The following CDH12 variants were observed in gnomAD, a reference collection of about 807,000 sequenced individuals.
CDH12 encodes cadherin-12.
Under a neutral mutation model 74.1 loss-of-function variants are expected in CDH12, and 41 were observed. The ratio of observed to expected loss-of-function variants is 0.55; its 90% CI spans 0.43 to 0.72. The LOEUF (loss-of-function observed/expected upper bound fraction) is 0.72. Ranked by LOEUF, CDH12 falls within the 30% of genes least tolerant of loss-of-function variation. The pLI, the probability that CDH12 is intolerant of heterozygous loss-of-function variation, is 0.00. For synonymous variants in CDH12, 399 were observed against 355.0 expected, an observed-to-expected ratio of 1.12 and a Z score of -1.39; for missense variants, 945 against 977.2, an observed-to-expected ratio of 0.97 and a Z score of 0.44.
intron 1 of CDH12, among the ~76,000 whole-genome samples, chr5:22,635,865 G>C (rs908039139): frequency 6.6e-6 from 1 of 152,016 alleles, no homozygotes; most frequent in Admixed American, 6.6e-5. Flanking sequence ...AGTCAGAGGA[G>C]ATTGTGCCCA....
intron 3 of CDH12, among the ~76,000 whole-genome samples, chr5:22,330,358 G>A (rs1316365838): frequency 6.6e-6 from 1 of 152,206 alleles, no homozygotes; most frequent in South Asian, 2.1e-4. Context: ...GCAATACCTA[G>A]GGGATATGCC....
intron 1 of CDH12, among the ~76,000 whole-genome samples, chr5:22,834,218 G>A (rs934268003): frequency 6.6e-6 from 1 of 152,086 alleles, no homozygotes. Context: ...TGAGAAACAG[G>A]GTCAAATGGC....
intron 5 of CDH12, among the ~76,000 whole-genome samples, chr5:21,977,772 A>G (rs1757132606): frequency 1.3e-5 from 2 of 152,168 alleles, no homozygotes; most frequent in African/African-American, 4.8e-5. Context: ...TGCAGAGATT[A>G]AAGCTTCAGA....
intron 4 of CDH12, among the ~76,000 whole-genome samples, chr5:22,189,742 A>G (rs1750156561): frequency 6.6e-6 from 1 of 152,152 alleles, no homozygotes; most frequent in Non-Finnish European, 1.5e-5. Context: ...ATCTTTTTAA[A>G]AAAAATTCCT....
intron 3 of CDH12, among the ~76,000 whole-genome samples, chr5:22,237,981 C>T (rs1166006512): frequency 2.0e-5 from 3 of 152,114 alleles, no homozygotes; most frequent in Non-Finnish European, 2.9e-5. Flanking sequence ...AATTTCTAAG[C>T]GATTGACCTT....
chr5:22,168,972 G>C (rs1040161944), intron 4 of CDH12, among the ~76,000 whole-genome samples: 7 of 148,720 alleles, frequency 4.7e-5, no homozygotes, highest in African/African-American at 1.7e-4. Flanking sequence ...TCTCAGATGA[G>C]AAAACAGTAC....
In CDH12 at chr5:21,755,609, A is replaced by G. The variant is rs1453041861; in HGVS notation, c.1867T>C (p.Cys623Arg). The change falls in exon 14 of 15, where the codon TGC becomes CGC. Residue 623 changes from cysteine to arginine, a missense_variant. This residue lies in a region of CDH12 where 791 missense variants were observed against 792.8 expected (regional missense o/e 1.00). Coordinates refer to ENST00000382254, the MANE Select transcript of CDH12 (RefSeq NM_004061.5). The stretch of plus-strand genomic sequence containing the variant: ...AACCAACCTAAGAGTATAACAATGC[A>G]TAGTAGAATTGCAATCAACGCCCCA... The part of the protein sequence containing the change: ...STGALIAILL[C>R]IVILLAIVVL... 1 of 1,613,910 alleles carries G rather than the reference A, an allele frequency of 6.2e-7. No homozygotes were observed. The highest frequency in any genetic ancestry group is 8.5e-7 in the Non-Finnish European group (1 of 1,179,942).
chr5:22,277,831 T>C (rs1299176308), intron 3 of CDH12, among the ~76,000 whole-genome samples: 4 of 152,142 alleles, frequency 2.6e-5, no homozygotes, highest in Non-Finnish European at 5.9e-5. Context: ...CGAAACTCTG[T>C]CTCAAACAAC....
At chr5:21,793,930 ATAT>A (rs1016844487) in intron 10 of CDH12, among the ~76,000 whole-genome samples, 11 of 149,986 alleles carry the variant, frequency 7.3e-5, no homozygotes, top group African/African-American at 1.7e-4. Context: ...TAATATATAA[ATAT>A]TATTATTATA....
chr5:22,350,892 T>C (rs954014037), intron 3 of CDH12, among the ~76,000 whole-genome samples: 3 of 152,196 alleles, frequency 2.0e-5, no homozygotes, highest in African/African-American at 7.2e-5. Flanking sequence ...ATTTCACATC[T>C]AGCAGAGGAG....
intron 3 of CDH12, among the ~76,000 whole-genome samples, chr5:22,231,969 A>G (rs779714636): frequency 2.6e-5 from 4 of 151,922 alleles, no homozygotes; most frequent in African/African-American, 4.8e-5. Flanking sequence ...ACAAGAATAC[A>G]ACTATTTTCG....
At chr5:22,408,221 A>G (rs1743020083) in intron 2 of CDH12, among the ~76,000 whole-genome samples, 1 of 146,792 alleles carries the variant, frequency 6.8e-6, no homozygotes, top group Admixed American at 7.1e-5. Context: ...GTGGCTAAAC[A>G]AGATAGATTC....
intron 1 of CDH12, among the ~76,000 whole-genome samples, chr5:22,748,910 A>G (rs563127119): frequency 9.2e-5 from 14 of 152,072 alleles, no homozygotes; most frequent in Admixed American, 1.3e-4. Context: ...ATGCCAGGCT[A>G]TTTTTGCTGG....
At chr5:22,117,504 ATATATATAATATATATATAAT>A (rs1745232292) in intron 4 of CDH12, among the ~76,000 whole-genome samples, 1 of 47,796 alleles carries the variant, frequency 2.1e-5, no homozygotes, top group Non-Finnish European at 3.6e-5. Context: ...TATATATAAT[ATATATATAATATATATATAAT>A]ATATATATAT....
At chr5:22,749,772 G>T (rs368001673) in intron 1 of CDH12, among the ~76,000 whole-genome samples, 4 of 152,170 alleles carry the variant, frequency 2.6e-5, no homozygotes, top group Admixed American at 6.5e-5. Context: ...AAGTGGTCCT[G>T]TTCCCCTTGC....
chr5:22,806,413 C>T (rs531247931), intron 1 of CDH12, among the ~76,000 whole-genome samples: 2 of 143,468 alleles, frequency 1.4e-5, no homozygotes, highest in African/African-American at 5.2e-5. Flanking sequence ...AGTGCAGTGG[C>T]GCAATCTCGG....
At chr5:22,597,322 T>C (rs182567970) in intron 1 of CDH12, among the ~76,000 whole-genome samples, 1 of 152,342 alleles carries the variant, frequency 6.6e-6, no homozygotes, top group Admixed American at 6.5e-5. Context: ...ATGTAACTTG[T>C]AGATAAATAA....
At chr5:21,989,093 A>C (rs1757641640) in intron 5 of CDH12, among the ~76,000 whole-genome samples, 1 of 152,132 alleles carries the variant, frequency 6.6e-6, no homozygotes, top group Non-Finnish European at 1.5e-5. Context: ...TTTGATGAAG[A>C]AAAAAGGGGA....
rs188485662 is a variant in CDH12, at chr5:22,693,931, T to A, written c.-523+159127A>T. On this transcript the variant is annotated intron_variant, in intron 1 of 14. Transcript: ENST00000382254. Reference sequence around the variant, plus strand: ...TTATTTCATCAATTTAAAAAAAAAATTATTTATTTATTTATTTGTTTATTG... The same window carrying A: ...TTATTTCATCAATTTAAAAAAAAAAATATTTATTTATTTATTTGTTTATTG... Among the ~76,000 whole-genome samples, 799 of 151,714 alleles carry A rather than the reference T, an allele frequency of 5.3e-3. 2 individuals carry two copies. Among genetic ancestry groups the A allele is most frequent in the Non-Finnish European group, 8.1e-3 (552 of 67,872 alleles).
Sources: gnomAD v4.1 joint callset for allele counts (sites outside exome capture counted in the v4.1 genomes callset) on GRCh38, gnomAD v4.1.1 for gene constraint, gnomAD v4.1.1 regional missense constraint, MANE v1.5 for transcripts, NCBI Gene and HGNC (gene_info 2026-07-23, HGNC 2026-07-21) for gene names.